EHD2: variants seen among roughly 807,000 people sequenced by gnomAD.
EHD2 encodes the protein EH domain containing 2, also known as EH domain-containing protein 2.
Under a neutral mutation model 41.0 loss-of-function variants are expected in EHD2, and 27 were observed. That is an observed-to-expected ratio of 0.66 (90% CI 0.49 to 0.91). The LOEUF (loss-of-function observed/expected upper bound fraction) is 0.91. Ranked by LOEUF, EHD2 falls within the 40% of genes least tolerant of loss-of-function variation. EHD2 has a pLI of 0.00. For synonymous variants in EHD2, 342 were observed against 341.0 expected (o/e 1.00, Z -0.03); for missense variants, 673 against 773.9 (o/e 0.87, Z 1.55).
chr19:47,726,131 G>A lies in EHD2; in HGVS notation c.822G>A (p.Glu274=). ...VPDNRRLFEL[E]EQDLFRDIQG... ...ACAACCGGCGCCTCTTCGAGCTGGA[G>A]GAGCAGGACCTCTTCCGCGACATCC... The change falls in exon 4 of 6, where the codon GAG becomes GAA. Residue 274 remains glutamate, a synonymous_variant. Transcript: ENST00000263277. 1 of 1,579,862 alleles carries A rather than the reference G, an allele frequency of 6.3e-7. No individual in the cohort carries two copies.
chr19:47,718,606 G>T lies in EHD2; in HGVS notation c.502G>T (p.Gly168Cys). Residue 168 changes from glycine to cysteine, a missense_variant and splice_region_variant, in exon 3 of 6, where the codon GGC (glycine) becomes TGC (cysteine). Gly to Cys is a radical substitution (Grantham distance 159). Coordinates refer to ENST00000263277, the MANE Select transcript of EHD2 (RefSeq NM_014601.4). The stretch of plus-strand genomic sequence containing the variant: ...GGGTGCCAAGCAGAGAGTGAGCCGC[G>T]GTGAGTGGGGCCAGACCCTGGGGTC... ...LSGAKQRVSR[G>C]YDFPAVLRWF... The T allele has an allele frequency of 1.9e-6, 3 of 1,554,756 alleles. No individual in the cohort carries two copies. The highest frequency in any genetic ancestry group is 1.7e-6 in the Non-Finnish European group (2 of 1,147,460).
At chr19:47,735,565 T>C (rs1160531341) in intron 4 of EHD2, among the ~76,000 whole-genome samples, 1 of 151,150 alleles carries the variant, frequency 6.6e-6, no homozygotes, top group East Asian at 1.9e-4. Context: ...ACCACTGCAC[T>C]CCTGGCTGGG....
intron 4 of EHD2, chr19:47,731,279 A>AAAAAAAAAAAAAAAAAATTATATAT: frequency 4.9e-5 from 3 of 60,934 alleles, no homozygotes; most frequent in African/African-American, 1.5e-4. Flanking sequence ...AAAAAAAAAA[A>AAAAAAAAAAAAAAAAAATTATATAT]ATATATATAT....
intron 4 of EHD2, among the ~76,000 whole-genome samples, chr19:47,726,823 C>T (rs1290259178): frequency 2.0e-5 from 3 of 152,016 alleles, no homozygotes; most frequent in African/African-American, 7.3e-5. Context: ...AGACCACAGG[C>T]ACGTGTCACC....
rs1347522619 is a variant in EHD2 at position 47,719,912 on chromosome 19, G to A, written c.502+1306G>A. 6.6e-6 allele frequency among the ~76,000 whole-genome samples: 1 copy of A among 151,920 alleles called. No homozygotes were observed. Among genetic ancestry groups the A allele is most frequent in the East Asian group, 1.9e-4 (1 of 5,172 alleles). ...CTCCCTGGCCTTGAGGATAGAGGAA[G>A]AGGAGGAGAGAGTGTCCAGCTGTTG... On this transcript the variant is annotated intron_variant, in intron 3 of 5. Coordinates refer to ENST00000263277, the MANE Select transcript of EHD2 (RefSeq NM_014601.4). The surrounding 1 kb of genome is among the most constrained non-coding windows in gnomAD (Gnocchi z 4.1).
intron 3 of EHD2, among the ~76,000 whole-genome samples, chr19:47,721,657 A>G (rs1466991028): frequency 6.6e-6 from 1 of 151,942 alleles, no homozygotes; most frequent in Admixed American, 6.6e-5. Context: ...CAAGCCACTT[A>G]ACCTCTCTTT....
At chr19:47,723,351 C>T (rs758724276) in intron 3 of EHD2, among the ~76,000 whole-genome samples, 2 of 152,136 alleles carry the variant, frequency 1.3e-5, no homozygotes, top group African/African-American at 4.8e-5. Context: ...TGAGGATTAA[C>T]GTACACGCCA....
intron 4 of EHD2, among the ~76,000 whole-genome samples, chr19:47,734,141 T>G (rs1166784220): frequency 2.0e-5 from 3 of 152,060 alleles, no homozygotes; most frequent in Non-Finnish European, 4.4e-5. Context: ...GACGCTCGAA[T>G]GGACATGGTG....
rs140692689 is a variant in EHD2 at position 47,741,512 on chromosome 19, C to CGCCCTGCCTGCCCTGCCT, written c.*94_*95insGCCTGCCCTGCCTGCCCT. 12 of 1,447,182 alleles carry CGCCCTGCCTGCCCTGCCT rather than the reference C, an allele frequency of 8.3e-6. No homozygotes were observed. The South Asian group carries it at 1.1e-4, about 14-fold the overall frequency. The allele number at this position is 1,447,182 out of a possible 1,614,324, so 89.6% of individuals were successfully genotyped here. ...GCACACCCCTGCTCCGGCTCACACA[C>CGCCCTGCCTGCCCTGCCT]GCCCTGCCTGCCCTCCCTGCCCAGC... On this transcript the variant is annotated 3_prime_UTR_variant, in exon 6 of 6. Transcript: ENST00000263277. This position sits in a 1 kb window ranked among gnomAD's most constrained non-coding sequence, Gnocchi z 4.5.
chr19:47,718,273 CAA>C (rs58873230), intron 2 of EHD2, among the ~76,000 whole-genome samples: 56 of 91,918 alleles, frequency 6.1e-4, no homozygotes, highest in African/African-American at 1.6e-3. Context: ...AACTCTGTCT[CAA>C]AAAAAAAAAA....
chr19:47,717,444 C>T (rs1001955047), intron 2 of EHD2, among the ~76,000 whole-genome samples: 1 of 152,190 alleles, frequency 6.6e-6, no homozygotes, highest in Non-Finnish European at 1.5e-5. Context: ...GCCCCAATTC[C>T]CTTCTCTCTA....
chr19:47,725,946 A>G lies in EHD2; in HGVS notation c.637A>G (p.Lys213Glu). ...AIGALRGHED[K>E]IRVVLNKADM... ...CGGCGCGTTGCGGGGCCATGAGGAC[A>G]AGATCCGCGTGGTGCTCAACAAGGC... The change falls in exon 4 of 6, where the codon AAG becomes GAG. Residue 213 changes from lysine to glutamate, a missense_variant. Coordinates refer to ENST00000263277, the MANE Select transcript of EHD2 (RefSeq NM_014601.4). 6 of 1,613,866 alleles carry G rather than the reference A, an allele frequency of 3.7e-6. No individual in the cohort carries two copies. Among genetic ancestry groups the G allele is most frequent in the Non-Finnish European group, 5.1e-6 (6 of 1,179,800 alleles).
chr19:47,735,970 G>A (rs1966917702), intron 4 of EHD2, among the ~76,000 whole-genome samples: 2 of 151,902 alleles, frequency 1.3e-5, no homozygotes, highest in South Asian at 4.2e-4. Context: ...GGCCAAGGTG[G>A]GCAGATCACG....
intron 5 of EHD2, among the ~76,000 whole-genome samples, chr19:47,740,357 T>C (rs1282842391): frequency 6.6e-6 from 1 of 152,008 alleles, no homozygotes; most frequent in Non-Finnish European, 1.5e-5. Context: ...GAGGATCGTT[T>C]GAGGCTGGGA....
intron 5 of EHD2, among the ~76,000 whole-genome samples, chr19:47,737,087 T>C (rs1018665238): frequency 1.1e-4 from 17 of 151,590 alleles, no homozygotes; most frequent in Middle Eastern, 3.4e-3. Flanking sequence ...AAAAATTAGC[T>C]GGGTGTGGTG....
chr19:47,726,167 C>G lies in EHD2; in HGVS notation c.858C>G (p.Pro286=). The G allele has an allele frequency of 6.3e-7, 1 of 1,575,596 alleles. No homozygotes were observed. Among genetic ancestry groups the G allele is most frequent in the Non-Finnish European group, 8.6e-7 (1 of 1,162,148 alleles). ...TCTTCCGCGACATCCAGGGCCTGCC[C>G]CGGCACGCAGCCTTGCGCAAGCTCA... ...QDLFRDIQGL[P]RHAALRKLND... Residue 286 remains proline (P), a synonymous_variant, in exon 4 of 6, where the codon CCC becomes CCG. Transcript: ENST00000263277.
rs1435107277 is a variant in EHD2 at position 47,719,942 on chromosome 19, GTA to G, written c.502+1340_502+1341del. Among the ~76,000 whole-genome samples the G allele has an allele frequency of 2.5e-4, 31 of 124,678 alleles. No individual in the cohort carries two copies. Among genetic ancestry groups the G allele is most frequent in the African/African-American group, 8.6e-4 (22 of 25,672 alleles). The allele number at this position is 124,678 out of a possible 152,430, so 81.8% of individuals were successfully genotyped here. A position where few individuals can be genotyped will look rare whatever the true frequency, so the allele number is the denominator to read the frequency against. On this transcript the variant is annotated intron_variant, in intron 3 of 5. Transcript: ENST00000263277. This position sits in a 1 kb window ranked among gnomAD's most constrained non-coding sequence, Gnocchi z 4.1. ...GGAGAGAGTGTCCAGCTGTTGGTGT[GTA>G]TATGTGTGTGTGTGTGTGTGTGTGT...
intron 3 of EHD2, among the ~76,000 whole-genome samples, chr19:47,722,712 C>CG (rs1973710073): frequency 6.6e-6 from 1 of 151,970 alleles, no homozygotes; most frequent in Non-Finnish European, 1.5e-5. Flanking sequence ...ATTACAGGTG[C>CG]CCACCACCAC....
Position 47,725,808 on chromosome 19 carries a change from C to G in EHD2, c.503-4C>G. The G allele has an allele frequency of 1.9e-6, 3 of 1,571,542 alleles. No homozygotes were observed. In the East Asian group the frequency reaches 6.8e-5, roughly 36 times the overall value. On this transcript the variant is annotated splice_polypyrimidine_tract_variant and splice_region_variant and intron_variant, in intron 3 of 5. Coordinates refer to ENST00000263277, the MANE Select transcript of EHD2 (RefSeq NM_014601.4). ...GCGCCCCTGTCTCTCCACTCCCACT[C>G]CAGGCTACGACTTCCCGGCCGTGCT... is the stretch of plus-strand genomic sequence containing the variant.
Sources: gnomAD v4.1 joint callset for allele counts (sites outside exome capture counted in the v4.1 genomes callset) on GRCh38, gnomAD v4.1.1 for gene constraint, Gnocchi (gnomAD v3.1) non-coding constraint, MANE v1.5 for transcripts, NCBI Gene and HGNC (gene_info 2026-07-23, HGNC 2026-07-21) for gene names.